KCNQ1: variants seen among roughly 807,000 people sequenced by gnomAD.
The protein encoded by KCNQ1 is potassium voltage-gated channel subfamily KQT member 1.
A neutral mutation model predicts 72.4 loss-of-function variants in KCNQ1; 49 were observed. That is an observed-to-expected ratio of 0.68 (90% CI 0.54 to 0.86). The LOEUF is 0.86. KCNQ1 is among the 40% of genes least tolerant of loss of function. The pLI, the probability that KCNQ1 is intolerant of heterozygous loss-of-function variation, is 0.00. For missense variants in KCNQ1, 790 were observed against 945.1 expected (o/e 0.84, Z 2.15); for synonymous variants, 450 against 412.6 (o/e 1.09, Z -1.10).
chr11:2,534,732 C>T (rs72847668), intron 2 of KCNQ1, among the ~76,000 whole-genome samples: 5,052 of 152,330 alleles, frequency 0.033, 105 homozygotes, highest in Middle Eastern at 0.054. Flanking sequence ...CAGCTAAGAC[C>T]GGTCCCCACC....
intron 1 of KCNQ1, among the ~76,000 whole-genome samples, chr11:2,470,842 T>G (rs1846440077): frequency 6.6e-6 from 1 of 152,194 alleles, no homozygotes; most frequent in Non-Finnish European, 1.5e-5. Context: ...CGTTTTGACT[T>G]TGATGAAGTC....
At chr11:2,681,309 TTC>T in intron 11 of KCNQ1, 1 of 398,518 alleles carries the variant, frequency 2.5e-6, no homozygotes, top group Admixed American at 4.4e-5. Flanking sequence ...GCCCACCTGG[TTC>T]TCTGTCTCTC....
chr11:2,729,141 C>T (rs978164569), intron 11 of KCNQ1, among the ~76,000 whole-genome samples: 5 of 152,214 alleles, frequency 3.3e-5, no homozygotes, highest in African/African-American at 4.8e-5. Context: ...CTCCCGGGGC[C>T]GAGGGTCCAG....
intron 11 of KCNQ1, chr11:2,667,489 C>T: frequency 2.6e-6 from 1 of 392,092 alleles, no homozygotes; most frequent in Non-Finnish European, 4.5e-6. Flanking sequence ...ACAGAGAGAA[C>T]ATTCACGCCA....
chr11:2,684,033 A>C, intron 11 of KCNQ1: 1 of 397,572 alleles, frequency 2.5e-6, no homozygotes, highest in Non-Finnish European at 4.4e-6. Context: ...AGCTAACTTC[A>C]TCCTCCCCCT....
At chr11:2,722,017 G>A (rs980325613) in intron 11 of KCNQ1, among the ~76,000 whole-genome samples, 8 of 152,336 alleles carry the variant, frequency 5.3e-5, no homozygotes, top group African/African-American at 1.7e-4. Context: ...GGCACATGCC[G>A]AGCTTTCCTG....
At chr11:2,646,382 T>C (rs975351383) in intron 10 of KCNQ1, 8 of 398,554 alleles carry the variant, frequency 2.0e-5, no homozygotes, top group Admixed American at 8.8e-5. Flanking sequence ...ATTACTGTTA[T>C]CAGTATTTTA....
At position 2,664,709 on chromosome 11, in the gene KCNQ1, G is replaced by A. The variant is rs1850032696; in HGVS notation, c.1514+2628G>A. The A allele has an allele frequency of 2.5e-6, 1 of 398,618 alleles. No homozygotes were observed. Among genetic ancestry groups the A allele is most frequent in the Non-Finnish European group, 4.4e-6 (1 of 226,176 alleles). 24.7% of individuals were successfully genotyped at this position (398,618 alleles called of 1,614,324 possible). A position where few individuals can be genotyped will look rare whatever the true frequency, so the allele number is the denominator to read the frequency against. ...CCCCATGGACCCTGAACTGGGAAGA[G>A]AGGCACACGCCCTGGTGTGTGTGAG... On this transcript the variant is annotated intron_variant, in intron 11 of 15. Coordinates refer to ENST00000155840, the MANE Select transcript of KCNQ1 (RefSeq NM_000218.3). The surrounding 1 kb of genome is among the most constrained non-coding windows in gnomAD (Gnocchi z 5.1).
intron 1 of KCNQ1, among the ~76,000 whole-genome samples, chr11:2,467,353 T>C (rs1846366896): frequency 6.6e-6 from 1 of 152,038 alleles, no homozygotes; most frequent in Non-Finnish European, 1.5e-5. Flanking sequence ...GCCTCTACCC[T>C]TTTGGTCCTC....
chr11:2,670,136 T>C lies in KCNQ1; in HGVS notation c.1514+8055T>C, dbSNP rs1049552632. The C allele has an allele frequency of 2.5e-6, 1 of 398,698 alleles. No individual in the cohort carries two copies. The highest frequency in any genetic ancestry group is 4.4e-6 in the Non-Finnish European group (1 of 226,158). The allele number at this position is 398,698 out of a possible 1,614,324, so 24.7% of individuals were successfully genotyped here. On this transcript the variant is annotated intron_variant, in intron 11 of 15. Transcript: ENST00000155840. This position sits in a 1 kb window ranked among gnomAD's most constrained non-coding sequence, Gnocchi z 4.9. ...CAGGTGCCCCAGTATGCATCTGTCA[T>C]TTGTTCTTATCACTGTCGGGCCCAT...
At chr11:2,633,031 C>A in intron 10 of KCNQ1, 1 of 398,492 alleles carries the variant, frequency 2.5e-6, no homozygotes, top group Admixed American at 4.4e-5. Context: ...TATAGTCCCA[C>A]AAATAGTGTA....
In KCNQ1 at chr11:2,762,693, C is replaced by T. The variant is rs1590073569; in HGVS notation, c.1515-6151C>T. Among the ~76,000 whole-genome samples the T allele has an allele frequency of 6.6e-6, 1 of 152,210 alleles. No individual in the cohort carries two copies. The highest frequency in any genetic ancestry group is 2.1e-4 in the South Asian group (1 of 4,834). On this transcript the variant is annotated intron_variant, in intron 11 of 15. Coordinates refer to ENST00000155840, the MANE Select transcript of KCNQ1 (RefSeq NM_000218.3). This position sits in a 1 kb window ranked among gnomAD's most constrained non-coding sequence, Gnocchi z 4.3. ...TGGTGGCATTAGATTCTCGCAGGAG[C>T]GCGAACCCTGTTGTGAATGCACATG...
intron 11 of KCNQ1, among the ~76,000 whole-genome samples, chr11:2,737,362 G>C (rs1845974956): frequency 6.6e-6 from 1 of 152,164 alleles, no homozygotes; most frequent in Admixed American, 6.5e-5. Context: ...TGCTCTCCTG[G>C]GGCATGTGCA....
intron 11 of KCNQ1, among the ~76,000 whole-genome samples, chr11:2,714,893 A>C (rs900968323): frequency 2.6e-5 from 4 of 151,958 alleles, no homozygotes; most frequent in Admixed American, 2.0e-4. Flanking sequence ...TGGGTCCCTC[A>C]GGACACATGC....
intron 1 of KCNQ1, among the ~76,000 whole-genome samples, chr11:2,455,341 A>C (rs571630085): frequency 6.6e-6 from 1 of 152,038 alleles, no homozygotes; most frequent in Non-Finnish European, 1.5e-5. Flanking sequence ...CTTGTGATCC[A>C]CCCGCCTTGG....
rs1263553244 is a variant in KCNQ1 at position 2,725,844 on chromosome 11, C to T, written c.1515-43000C>T. Reference sequence around the variant, plus strand: ...TTAATCATCCTGGGCTCTGAGAGCTCCCTGGGGCCCCACAGGCCAAGCGTT... The same window carrying T: ...TTAATCATCCTGGGCTCTGAGAGCTTCCTGGGGCCCCACAGGCCAAGCGTT... On this transcript the variant is annotated intron_variant, in intron 11 of 15. Transcript: ENST00000155840. This position sits in a 1 kb window ranked among gnomAD's most constrained non-coding sequence, Gnocchi z 7.2. 2.6e-5 allele frequency among the ~76,000 whole-genome samples: 4 copies of T among 151,076 alleles called. No individual in the cohort carries two copies. The East Asian group carries it at 7.9e-4, about 30-fold the overall frequency.
chr11:2,584,081 A>G (rs191378709), intron 7 of KCNQ1, among the ~76,000 whole-genome samples: 131 of 152,232 alleles, frequency 8.6e-4, no homozygotes, highest in Middle Eastern at 6.8e-3. Flanking sequence ...GTATGTGTAT[A>G]TGTATCACAT....
At position 2,847,789 on chromosome 11, in the gene KCNQ1, T is replaced by A; in HGVS notation, c.1817T>A (p.Leu606Gln). 1.9e-6 allele frequency: 3 copies of A among 1,573,556 alleles called. No individual in the cohort carries two copies. Among genetic ancestry groups the A allele is most frequent in the Non-Finnish European group, 2.6e-6 (3 of 1,159,082 alleles). ...EDKVTQLDQR[L>Q]ALITDMLHQL... is the part of the protein sequence containing the mutation. ...CAGGTGACGCAGCTGGACCAGAGGCTGGCACTCATCACCGACATGCTTCAC... is the reference window on the plus strand; with the variant it reads ...CAGGTGACGCAGCTGGACCAGAGGCAGGCACTCATCACCGACATGCTTCAC... Residue 606 changes from leucine to glutamine, a missense_variant, in exon 16 of 16, where the codon CTG (leucine) becomes CAG (glutamine). Leu to Gln is a moderately radical substitution (Grantham distance 113). Coordinates refer to ENST00000155840, the MANE Select transcript of KCNQ1 (RefSeq NM_000218.3).
At chr11:2,610,803 G>A (rs1848968785) in intron 10 of KCNQ1, 3 of 269,224 alleles carry the variant, frequency 1.1e-5, no homozygotes, top group South Asian at 1.7e-4. Context: ...TGTTTCTGAC[G>A]AAAAGTCAGC....
Sources: gnomAD v4.1 joint callset for allele counts (sites outside exome capture counted in the v4.1 genomes callset) on GRCh38, gnomAD v4.1.1 for gene constraint, Gnocchi (gnomAD v3.1) non-coding constraint, MANE v1.5 for transcripts, NCBI Gene and HGNC (gene_info 2026-07-23, HGNC 2026-07-21) for gene names.